Variants in SLCO4A1 observed in about 807,000 individuals in gnomAD.
SLCO4A1 encodes the protein colon organic anion transporter.
A neutral mutation model predicts 64.6 loss-of-function variants in SLCO4A1; 51 were observed. That is an observed-to-expected ratio of 0.79 (90% CI 0.63 to 1.00). The LOEUF (loss-of-function observed/expected upper bound fraction) is 1.00, where lower values mean the gene tolerates loss of function less well. SLCO4A1 is among the 50% of genes least tolerant of loss of function. SLCO4A1 has a pLI of 0.00. For synonymous variants in SLCO4A1, 471 were observed against 444.9 expected, an observed-to-expected ratio of 1.06 and a Z score of -0.74; for missense variants, 919 against 980.5, an observed-to-expected ratio of 0.94 and a Z score of 0.84.
downstream of SLCO4A1, among the ~76,000 whole-genome samples, chr20:62,689,460 G>A (rs1156589110): frequency 2.0e-5 from 3 of 152,248 alleles, no homozygotes; most frequent in Admixed American, 2.0e-4. Flanking sequence ...TGCCCGAACG[G>A]ACAGACGGAC....
intron 1 of SLCO4A1, chr20:62,649,339 C>G (rs1981993479): frequency 1.3e-5 from 2 of 152,276 alleles, no homozygotes; most frequent in Admixed American, 1.3e-4. Context: ...GCCCACCACC[C>G]TGGGGAGGGC....
intron 2 of SLCO4A1, 123 bp from the exon 3 acceptor site, chr20:62,658,554 G>C (rs1984177031): frequency 4.2e-6 from 3 of 712,436 alleles, no homozygotes; most frequent in Non-Finnish European, 7.3e-6. Context: ...AGGCCCATGA[G>C]GGGAGTGGGC....
At position 62,661,276 on chromosome 20, in the gene SLCO4A1, G is replaced by A. The variant is rs1302705529; in HGVS notation, c.1121+101G>A. The A allele has an allele frequency of 1.1e-5, 9 of 808,286 alleles. No individual in the cohort carries two copies. The highest frequency in any genetic ancestry group is 6.7e-5 in the African/African-American group (4 of 59,626). 50.1% of individuals were successfully genotyped at this position (808,286 alleles called of 1,614,324 possible). On this transcript the variant is annotated intron_variant, in intron 5 of 11. Coordinates refer to ENST00000217159, the MANE Select transcript of SLCO4A1 (RefSeq NM_016354.4). The surrounding 1 kb of genome is among the most constrained non-coding windows in gnomAD (Gnocchi z 5.2). Reference sequence around the variant, plus strand: ...ACCCCTCCGGGATCATGATGGGGACGCAGCCCCTAACCTCTGTCGTGACCC... The same window carrying A: ...ACCCCTCCGGGATCATGATGGGGACACAGCCCCTAACCTCTGTCGTGACCC...
intron 2 of SLCO4A1, 54 bp downstream of exon 2, chr20:62,657,304 C>G (rs898213338): frequency 1.4e-6 from 2 of 1,446,710 alleles, no homozygotes; most frequent in South Asian, 1.4e-5. Context: ...GGCAGTGTTG[C>G]AGGAGTGAGG....
At chr20:62,672,433 A>C (rs546642816), downstream of SLCO4A1, 232 of 267,038 alleles carry the variant, frequency 8.7e-4, no homozygotes, top group Non-Finnish European at 1.3e-3. Flanking sequence ...GCTCCCCCGT[A>C]AGTCGGCCTT....
At chr20:62,668,655 C>T (rs1157829808) in intron 10 of SLCO4A1, 114 bp downstream of exon 10, 14 of 1,073,768 alleles carry the variant, frequency 1.3e-5, no homozygotes, top group African/African-American at 3.1e-5. Flanking sequence ...AGGCTGTTCC[C>T]GCCTGGGAAG....
intron 1 of SLCO4A1, among the ~76,000 whole-genome samples, chr20:62,654,050 AAT>A (rs1227641807): frequency 2.8e-4 from 42 of 152,288 alleles, no homozygotes; most frequent in African/African-American, 9.6e-4. Flanking sequence ...AATAAAAAAA[AAT>A]AGTTTATTCC....
At chr20:62,642,909 G>A in intron 1 of SLCO4A1, 1 of 432,956 alleles carries the variant, frequency 2.3e-6, no homozygotes, top group Non-Finnish European at 4.8e-6. Flanking sequence ...GGCCGGGGCA[G>A]GTGACCTGGG....
intron 5 of SLCO4A1, among the ~76,000 whole-genome samples, chr20:62,664,407 T>TTC (rs1338442385): frequency 6.6e-6 from 1 of 152,104 alleles, no homozygotes; most frequent in Non-Finnish European, 1.5e-5. Flanking sequence ...ACAGTCCCCA[T>TTC]TCCCGTGATT....
At chr20:62,676,975 G>A (rs1002461823), downstream of SLCO4A1, among the ~76,000 whole-genome samples, 1 of 152,222 alleles carries the variant, frequency 6.6e-6, no homozygotes, top group Non-Finnish European at 1.5e-5. Flanking sequence ...AAAGAATGAA[G>A]CCCTGCGCTA....
In SLCO4A1 at chr20:62,658,202, G is replaced by T. The variant is rs148118621; in HGVS notation, c.797-475G>T. ...TGAGCTCTGCTCATCCCAGTCACCT[G>T]GCAGTGCTCGTCCCAAGAACCCAGG... On this transcript the variant is annotated intron_variant, in intron 2 of 11. Transcript: ENST00000217159. Among the ~76,000 whole-genome samples the T allele has an allele frequency of 8.9e-3, 1,358 of 152,348 alleles. 37 individuals are homozygous for T. Among genetic ancestry groups the T allele is most frequent in the African/African-American group, 0.031 (1,274 of 41,576 alleles).
chr20:62,681,456 G>T (rs551606916), intron 2 of SLCO4A1, among the ~76,000 whole-genome samples: 1 of 101,316 alleles, frequency 9.9e-6, no homozygotes, highest in African/African-American at 4.2e-5. Flanking sequence ...GTATTAAGCC[G>T]TGTGTACACA....
intron 1 of SLCO4A1, among the ~76,000 whole-genome samples, chr20:62,653,149 C>A (rs1982923279): frequency 1.3e-5 from 2 of 152,236 alleles, no homozygotes; most frequent in African/African-American, 4.8e-5. Flanking sequence ...GCCTTCGTCC[C>A]AAGGAGCCTG....
At chr20:62,680,265 A>G (rs763511125) in intron 2 of SLCO4A1, among the ~76,000 whole-genome samples, 5 of 152,222 alleles carry the variant, frequency 3.3e-5, no homozygotes, top group Non-Finnish European at 5.9e-5. Context: ...TGCAGATGCC[A>G]TGGGATTTCT....
rs927438640 is a variant in SLCO4A1 at position 62,665,173 on chromosome 20, C to T, written c.1276+85C>T. 6 of 1,461,526 alleles carry T rather than the reference C, an allele frequency of 4.1e-6. No homozygotes were observed. In the African/African-American group the frequency reaches 4.2e-5, roughly 10 times the overall value. The allele number at this position is 1,461,526 out of a possible 1,614,324, so 90.5% of individuals were successfully genotyped here. On this transcript the variant is annotated intron_variant, in intron 6 of 11. Coordinates refer to ENST00000217159, the MANE Select transcript of SLCO4A1 (RefSeq NM_016354.4). ...TTCAAGGGCATCTTCTAGAAAGACC[C>T]AGACAGGGCACATGGCAGTGAGTGC... is the stretch of plus-strand genomic sequence containing the variant.
At chr20:62,670,439 C>T (rs1207142057) in intron 11 of SLCO4A1, among the ~76,000 whole-genome samples, 1 of 152,236 alleles carries the variant, frequency 6.6e-6, no homozygotes, top group Admixed American at 6.5e-5. Context: ...CTCTTATTTA[C>T]CTAATCATGG....
At chr20:62,672,397 G>A, downstream of SLCO4A1, 5 of 583,860 alleles carry the variant, frequency 8.6e-6, no homozygotes, top group Non-Finnish European at 1.1e-5. Context: ...CCGTGGATAT[G>A]AAAAGTTGGC....
intron 3 of SLCO4A1, 42 bp from the exon 4 acceptor site, chr20:62,660,370 G>T: frequency 1.3e-6 from 2 of 1,589,894 alleles, no homozygotes; most frequent in Non-Finnish European, 1.7e-6. Flanking sequence ...GAGGGCACAG[G>T]TGGGCTGCAC....
chr20:62,645,974 C>T lies in SLCO4A1; in HGVS notation c.-97+3421C>T, dbSNP rs1272037259. On this transcript the variant is annotated intron_variant, in intron 1 of 11. Coordinates refer to ENST00000217159, the MANE Select transcript of SLCO4A1 (RefSeq NM_016354.4). This position sits in a 1 kb window ranked among gnomAD's most constrained non-coding sequence, Gnocchi z 4.2. ...GGGCCCTTGCATTTGCCACTGGACT[C>T]TGCCTTTCGGGAGGCGCTGTGGACC... Among the ~76,000 whole-genome samples, 2 of 152,140 alleles carry T rather than the reference C, an allele frequency of 1.3e-5. No individual in the cohort carries two copies. Among genetic ancestry groups the T allele is most frequent in the African/African-American group, 4.8e-5 (2 of 41,442 alleles).
Sources: gnomAD v4.1 joint callset for allele counts (sites outside exome capture counted in the v4.1 genomes callset) on GRCh38, gnomAD v4.1.1 for gene constraint, Gnocchi (gnomAD v3.1) non-coding constraint, MANE v1.5 for transcripts, NCBI Gene and HGNC (gene_info 2026-07-23, HGNC 2026-07-21) for gene names.